Variants in MCU observed in about 807,000 individuals in gnomAD.
MCU encodes calcium uniporter protein, mitochondrial.
A neutral mutation model predicts 45.2 loss-of-function variants in MCU; 12 were observed. That is an observed-to-expected ratio of 0.27 (90% CI 0.17 to 0.43). The LOEUF (loss-of-function observed/expected upper bound fraction) is 0.43, where lower values mean the gene tolerates loss of function less well. Among genes scored for constraint, MCU ranks in the 20% least tolerant of loss-of-function variants. The probability of loss-of-function intolerance (pLI) is 1.00; values close to 1 mark genes in which losing one functional copy is unlikely to be tolerated. For missense variants in MCU, 324 were observed against 436.7 expected (o/e 0.74, Z 2.30); for synonymous variants, 160 against 165.1 (o/e 0.97, Z 0.24).
intron 2 of MCU, among the ~76,000 whole-genome samples, chr10:72,845,244 T>C (rs1202596298): frequency 3.9e-5 from 6 of 151,998 alleles, no homozygotes; most frequent in African/African-American, 1.4e-4. Flanking sequence ...ATTACAAAAA[T>C]AAGTAAGTTC....
At chr10:72,721,306 T>C (rs1843018438) in intron 1 of MCU, among the ~76,000 whole-genome samples, 1 of 152,168 alleles carries the variant, frequency 6.6e-6, no homozygotes, top group African/African-American at 2.4e-5. Context: ...ACTGGCTCTC[T>C]GGAGGGGGAA....
chr10:72,885,398 T>C (rs1282144262), intron 7 of MCU, among the ~76,000 whole-genome samples: 3 of 152,242 alleles, frequency 2.0e-5, no homozygotes, highest in Admixed American at 6.5e-5. Flanking sequence ...TTCTGGCTCT[T>C]AGCCCTTGTG....
intron 4 of MCU, among the ~76,000 whole-genome samples, chr10:72,865,473 C>T (rs899116222): frequency 4.6e-5 from 7 of 152,142 alleles, no homozygotes; most frequent in African/African-American, 1.7e-4. Flanking sequence ...AGAGATTATG[C>T]CATCAGCATC....
chr10:72,731,416 G>A (rs1252867706), intron 1 of MCU, among the ~76,000 whole-genome samples: 3 of 152,198 alleles, frequency 2.0e-5, no homozygotes, highest in Non-Finnish European at 2.9e-5. Context: ...GTGTCAAAGA[G>A]TAGGAATCTC....
chr10:72,761,053 A>G (rs558591994), intron 1 of MCU, among the ~76,000 whole-genome samples: 14 of 152,280 alleles, frequency 9.2e-5, no homozygotes, highest in Admixed American at 8.5e-4. Context: ...GTAGAATGTT[A>G]TAAGTTGGAA....
At chr10:72,769,004 A>G (rs1377853999) in intron 1 of MCU, among the ~76,000 whole-genome samples, 3 of 150,824 alleles carry the variant, frequency 2.0e-5, no homozygotes, top group African/African-American at 7.3e-5. Flanking sequence ...GGCATGCACC[A>G]CCATGCACAG....
chr10:72,725,188 T>C (rs1843079837), intron 1 of MCU, among the ~76,000 whole-genome samples: 3 of 151,520 alleles, frequency 2.0e-5, no homozygotes, highest in South Asian at 4.2e-4. Flanking sequence ...TGCAGTGGTG[T>C]GATCTCGGCT....
chr10:72,783,636 G>T (rs1844028503), intron 1 of MCU, among the ~76,000 whole-genome samples: 1 of 152,210 alleles, frequency 6.6e-6, no homozygotes, highest in Non-Finnish European at 1.5e-5. Flanking sequence ...AGAGGATTTT[G>T]TTGGGGGGAG....
chr10:72,833,681 A>C (rs1255786841), intron 1 of MCU, among the ~76,000 whole-genome samples: 1 of 152,230 alleles, frequency 6.6e-6, no homozygotes, highest in African/African-American at 2.4e-5. Context: ...CAAGTGAGAA[A>C]TGTATTCAGT....
intron 1 of MCU, among the ~76,000 whole-genome samples, chr10:72,706,544 T>G (rs1157837491): frequency 6.7e-6 from 1 of 148,852 alleles, no homozygotes; most frequent in East Asian, 1.9e-4. Context: ...TATCTTCTCT[T>G]TTTTTTTTTT....
intron 1 of MCU, among the ~76,000 whole-genome samples, chr10:72,833,580 T>G (rs530479522): frequency 1.2e-4 from 19 of 152,328 alleles, no homozygotes; most frequent in African/African-American, 4.3e-4. Context: ...TATATTGGAT[T>G]TTGTTCAGTT....
intron 2 of MCU, among the ~76,000 whole-genome samples, chr10:72,851,866 T>C (rs1845212009): frequency 6.6e-6 from 1 of 152,132 alleles, no homozygotes; most frequent in African/African-American, 2.4e-5. Context: ...ACTAAATTTC[T>C]CCCAAAGCTA....
At chr10:72,702,114 G>A (rs998801370) in intron 1 of MCU, among the ~76,000 whole-genome samples, 1 of 151,526 alleles carries the variant, frequency 6.6e-6, no homozygotes, top group Non-Finnish European at 1.5e-5. Flanking sequence ...ATGGTTGGGG[G>A]GGAGGGGGGC....
intron 1 of MCU, among the ~76,000 whole-genome samples, chr10:72,768,331 TGAA>T (rs1053626234): frequency 1.3e-5 from 2 of 152,190 alleles, no homozygotes; most frequent in African/African-American, 4.8e-5. Flanking sequence ...AATAAGATTC[TGAA>T]GAACTACACA....
At chr10:72,861,712 GT>G in intron 4 of MCU, 1 of 368,652 alleles carries the variant, frequency 2.7e-6, no homozygotes, top group Non-Finnish European at 5.2e-6. Context: ...GGCCAGAATG[GT>G]TTTGAACTCC....
At chr10:72,697,628 G>A (rs1468217412) in intron 1 of MCU, among the ~76,000 whole-genome samples, 1 of 151,640 alleles carries the variant, frequency 6.6e-6, no homozygotes, top group South Asian at 2.1e-4. Flanking sequence ...TAGAGACGGG[G>A]TTTCACCATG....
chr10:72,716,715 T>TAA (rs879381622), intron 1 of MCU, among the ~76,000 whole-genome samples: 23 of 140,696 alleles, frequency 1.6e-4, no homozygotes, highest in African/African-American at 4.7e-4. Context: ...GAGGCCCCAT[T>TAA]AAAAAAAAAA....
At chr10:72,856,194 A>G (rs912663184) in intron 2 of MCU, among the ~76,000 whole-genome samples, 1 of 152,214 alleles carries the variant, frequency 6.6e-6, no homozygotes, top group Non-Finnish European at 1.5e-5. Flanking sequence ...AAAATCTATA[A>G]AAACCTAATA....
intron 1 of MCU, among the ~76,000 whole-genome samples, chr10:72,785,690 G>T (rs139142659): frequency 1.3e-5 from 2 of 152,248 alleles, no homozygotes; most frequent in East Asian, 3.9e-4. Flanking sequence ...TCTGTAACTT[G>T]TATCTGTAGT....
Sources: allele counts gnomAD v4.1 joint callset (sites outside exome capture counted in the v4.1 genomes callset), GRCh38; gene constraint gnomAD v4.1.1; transcripts MANE v1.5; gene names NCBI Gene and HGNC (gene_info 2026-07-23, HGNC 2026-07-21).